WWTR1: variants seen among roughly 807,000 people sequenced by gnomAD.
The protein encoded by WWTR1 is WW domain containing transcription regulator 1.
Under a neutral mutation model 40.1 loss-of-function variants are expected in WWTR1, and 13 were observed. The ratio of observed to expected loss-of-function variants is 0.32; its 90% confidence interval spans 0.21 to 0.52. The LOEUF is 0.52. WWTR1 is among the 20% of genes least tolerant of loss of function. The pLI is 0.97. For synonymous variants in WWTR1, 230 were observed against 210.1 expected (o/e 1.09, Z -0.82); for missense variants, 436 against 523.1 (o/e 0.83, Z 1.63).
intron 4 of WWTR1, among the ~76,000 whole-genome samples, chr3:149,541,544 G>A (rs1234088293): frequency 2.0e-5 from 3 of 151,568 alleles, no homozygotes; most frequent in Non-Finnish European, 4.4e-5. Context: ...GCTCTGTGGT[G>A]GACCAAGATC....
chr3:149,549,639 A>T (rs1267226203), intron 3 of WWTR1, among the ~76,000 whole-genome samples: 2 of 152,130 alleles, frequency 1.3e-5, no homozygotes, highest in African/African-American at 4.8e-5. Context: ...GGAGTTCAAG[A>T]CCAACCTAGG....
intron 3 of WWTR1, among the ~76,000 whole-genome samples, chr3:149,571,038 T>C (rs952509711): frequency 3.3e-5 from 5 of 152,090 alleles, no homozygotes; most frequent in African/African-American, 1.2e-4. Context: ...CAGCTCTATA[T>C]GTATGGACAG....
In WWTR1 at chr3:149,616,648, G is replaced by A. The variant is rs151051029; in HGVS notation, c.431+40228C>T. On this transcript the variant is annotated intron_variant, in intron 2 of 6. Coordinates refer to ENST00000360632, the MANE Select transcript of WWTR1 (RefSeq NM_015472.6). Reference sequence around the variant, plus strand: ...GTAGAGACAAGGTTTCTCCATGTTGGTCAGGCTGGTCTCCAACTCCCAACC... The same window carrying A: ...GTAGAGACAAGGTTTCTCCATGTTGATCAGGCTGGTCTCCAACTCCCAACC... Among the ~76,000 whole-genome samples the A allele has an allele frequency of 4.9e-3, 748 of 152,126 alleles. 3 individuals carry two copies. The highest frequency in any genetic ancestry group is 0.017 in the African/African-American group (726 of 41,496).
chr3:149,558,899 A>G (rs35451362), intron 3 of WWTR1, among the ~76,000 whole-genome samples: 13,948 of 152,286 alleles, frequency 0.092, 838 homozygotes, highest in Middle Eastern at 0.14. Context: ...CACAAAGGAC[A>G]TCACCGGGAC....
At chr3:149,699,456 G>A (rs914633091) in intron 1 of WWTR1, among the ~76,000 whole-genome samples, 4 of 152,036 alleles carry the variant, frequency 2.6e-5, no homozygotes, top group Admixed American at 6.6e-5. Context: ...ACCATGCCCG[G>A]CTAATTTTGT....
At chr3:149,557,061 C>CT (rs3044118) in intron 3 of WWTR1, among the ~76,000 whole-genome samples, 2,075 of 64,234 alleles carry the variant, frequency 0.032, 442 homozygotes, top group East Asian at 0.11. Flanking sequence ...CTGGAATCTT[C>CT]TTTTTTTTTT....
chr3:149,651,992 A>ATTTTTTTTTT (rs368845286), intron 2 of WWTR1, among the ~76,000 whole-genome samples: 470 of 93,664 alleles, frequency 5.0e-3, no homozygotes, highest in Middle Eastern at 7.1e-3. Context: ...CGCCCGGCTA[A>ATTTTTTTTTT]TTTTTTTTTT....
chr3:149,578,899 A>G (rs148159798), intron 2 of WWTR1, among the ~76,000 whole-genome samples: 2 of 152,226 alleles, frequency 1.3e-5, no homozygotes, highest in Non-Finnish European at 2.9e-5. Flanking sequence ...AAATAAAATA[A>G]AATAGAATCC....
At chr3:149,628,737 T>TTTTTATTTTATTTTATTTTA (rs144977104) in intron 2 of WWTR1, among the ~76,000 whole-genome samples, 8 of 144,650 alleles carry the variant, frequency 5.5e-5, no homozygotes, top group African/African-American at 1.8e-4. Context: ...CTTTTTATTT[T>TTTTTATTTTATTTTATTTTA]TTTTATTTTA....
At chr3:149,703,581 T>C (rs184141247), upstream of WWTR1, among the ~76,000 whole-genome samples, 3 of 152,278 alleles carry the variant, frequency 2.0e-5, no homozygotes, top group Admixed American at 6.5e-5. Context: ...CTCATTTTGG[T>C]TTGGATGTTT....
Sources: allele counts gnomAD v4.1 joint callset (sites outside exome capture counted in the v4.1 genomes callset), GRCh38; gene constraint gnomAD v4.1.1; transcripts MANE v1.5; gene names NCBI Gene and HGNC (gene_info 2026-07-23, HGNC 2026-07-21).